RAD51: variants seen among roughly 807,000 people sequenced by gnomAD.
RAD51 encodes DNA repair protein RAD51 homolog 1.
RAD51 carries 14 observed loss-of-function variants against 41.5 expected under a neutral mutation model. The observed-to-expected ratio is 0.34, with a 90% confidence interval of 0.22 to 0.53. The LOEUF (loss-of-function observed/expected upper bound fraction) is 0.53, where lower values mean the gene tolerates loss of function less well. Ranked by LOEUF, RAD51 falls within the 20% of genes least tolerant of loss-of-function variation. The pLI is 0.95. For synonymous variants in RAD51, 136 were observed against 148.6 expected (o/e 0.92, Z 0.62); for missense variants, 234 against 422.0 (o/e 0.55, Z 3.90).
chr15:40,714,534 AC>A (rs1364481743), intron 5 of RAD51, among the ~76,000 whole-genome samples: 1 of 152,246 alleles, frequency 6.6e-6, no homozygotes, highest in Non-Finnish European at 1.5e-5. Context: ...TCAACAATAA[AC>A]TAAAGCAAAA....
chr15:40,724,529 C>G (rs183977092), intron 6 of RAD51, among the ~76,000 whole-genome samples: 1 of 151,838 alleles, frequency 6.6e-6, no homozygotes, highest in African/African-American at 2.4e-5. Flanking sequence ...TTTTTAGAGA[C>G]GGGTCTCACT....
intron 4 of RAD51, among the ~76,000 whole-genome samples, chr15:40,708,485 C>T (rs1290284724): frequency 6.6e-6 from 1 of 151,910 alleles, no homozygotes. Flanking sequence ...GCCTCGGCCC[C>T]CTAAAGTGCT....
chr15:40,702,131 C>T (rs552789400), intron 3 of RAD51, among the ~76,000 whole-genome samples: 5 of 152,106 alleles, frequency 3.3e-5, no homozygotes, highest in African/African-American at 1.2e-4. Context: ...TTACTGTTAG[C>T]GTTAGATAAA....
intron 9 of RAD51, 37 bp downstream of exon 9, chr15:40,730,011 T>C: frequency 6.2e-7 from 1 of 1,609,228 alleles, no homozygotes; most frequent in Non-Finnish European, 8.5e-7. Context: ...CTTTTCGGAA[T>C]GTCATATTAA....
chr15:40,699,804 C>G (rs1894870760), intron 2 of RAD51, among the ~76,000 whole-genome samples: 1 of 152,182 alleles, frequency 6.6e-6, no homozygotes, highest in Non-Finnish European at 1.5e-5. Context: ...AGCACCAGAG[C>G]TGAGGCCTTA....
intron 3 of RAD51, among the ~76,000 whole-genome samples, chr15:40,702,166 T>C (rs185784095): frequency 6.6e-6 from 1 of 152,320 alleles, no homozygotes; most frequent in African/African-American, 2.4e-5. Flanking sequence ...CAAATGAATA[T>C]TTGCTGAAGT....
At chr15:40,706,132 T>C in intron 3 of RAD51, 45 bp from the exon 4 acceptor site, 1 of 1,433,862 alleles carries the variant, frequency 7.0e-7, no homozygotes, top group Non-Finnish European at 9.8e-7. Flanking sequence ...ATCACTGTGG[T>C]AAGGAATATT....
chr15:40,722,141 G>C (rs1896306659), intron 6 of RAD51, among the ~76,000 whole-genome samples: 1 of 152,184 alleles, frequency 6.6e-6, no homozygotes, highest in African/African-American at 2.4e-5. Flanking sequence ...GCCAGGCGTG[G>C]TGGCTTATGC....
intron 7 of RAD51, among the ~76,000 whole-genome samples, chr15:40,729,099 G>A (rs551349341): frequency 6.6e-6 from 1 of 152,090 alleles, no homozygotes; most frequent in Non-Finnish European, 1.5e-5. Flanking sequence ...CAGGCCGGGC[G>A]CGGTGGCTCA....
rs891453962 is a variant in RAD51 at position 40,697,931 on chromosome 15, A to G, written c.-2-826A>G. ...AATCAGCATATCCATCAGTTCACTT[A>G]AACACTTGTCATTTCTCTTTGTGAT... On this transcript the variant is annotated intron_variant, in intron 1 of 9. Coordinates refer to ENST00000267868, the MANE Select transcript of RAD51 (RefSeq NM_002875.5). Among the ~76,000 whole-genome samples the G allele has an allele frequency of 2.0e-5, 3 of 152,192 alleles. No individual in the cohort carries two copies. In the South Asian group the frequency reaches 6.2e-4, roughly 32 times the overall value.
chr15:40,715,364 CCAAAAA>C lies in RAD51; in HGVS notation c.436-3439_436-3434del, dbSNP rs1567046682. Among the ~76,000 whole-genome samples the C allele has an allele frequency of 1.7e-4, 7 of 40,356 alleles. No individual in the cohort carries two copies. In the South Asian group the frequency reaches 0.011, roughly 64 times the overall value. The allele number at this position is 40,356 out of a possible 152,430, so 26.5% of individuals were successfully genotyped here. A position where few individuals can be genotyped will look rare whatever the true frequency, so the allele number is the denominator to read the frequency against. Reference sequence around the variant, plus strand: ...AGTAAGATTCTGTCTCAAAAAAAAACCAAAAACCAAAAAACCACAAAACAAAAAAAT... The same window carrying C: ...AGTAAGATTCTGTCTCAAAAAAAAACCCAAAAAACCACAAAACAAAAAAAT... On this transcript the variant is annotated intron_variant, in intron 5 of 9. Transcript: ENST00000267868.
intron 6 of RAD51, among the ~76,000 whole-genome samples, chr15:40,722,522 A>C (rs11070290): frequency 0.27 from 40,676 of 150,270 alleles, 6,446 homozygotes; most frequent in Middle Eastern, 0.36. Context: ...GGGTAGGGAG[A>C]CTGGGGAGTT....
chr15:40,728,890 A>G (rs1390600901), intron 7 of RAD51, 66 bp downstream of exon 7: 1 of 1,296,408 alleles, frequency 7.7e-7, no homozygotes, highest in East Asian at 2.3e-5. Flanking sequence ...TGTAATGGCT[A>G]TTTGGCCAGA....
chr15:40,712,167 A>G (rs1895737567), intron 5 of RAD51, among the ~76,000 whole-genome samples: 1 of 152,318 alleles, frequency 6.6e-6, no homozygotes, highest in South Asian at 2.1e-4. Flanking sequence ...TGGTCAGGAA[A>G]CTAAGATAGT....
rs1473467259 is a variant in RAD51, at chr15:40,730,437, G to A, written c.896+463G>A. 1.4e-4 allele frequency among the ~76,000 whole-genome samples: 21 copies of A among 151,680 alleles called. 1 individual carries two copies. Among genetic ancestry groups the A allele is most frequent in the Admixed American group, 1.3e-3 (20 of 15,196 alleles). ...GAGGATCAGTTGAGCATAGGAATTC[G>A]AGGCTGTATTGAGCTATGATCACAC... On this transcript the variant is annotated intron_variant, in intron 9 of 9. Transcript: ENST00000267868.
intron 3 of RAD51, chr15:40,701,745 T>A (rs1895009171): frequency 3.7e-6 from 1 of 270,330 alleles, no homozygotes; most frequent in Non-Finnish European, 7.4e-6. Context: ...TTATTGCCTT[T>A]ACCCTTGAAG....
At chr15:40,702,677 G>A (rs574891838) in intron 3 of RAD51, among the ~76,000 whole-genome samples, 19 of 151,918 alleles carry the variant, frequency 1.3e-4, no homozygotes, top group Non-Finnish European at 2.9e-5. Context: ...ACCACCACAC[G>A]TGGCTAATTT....
Position 40,729,581 on chromosome 15 carries a change from A to C in RAD51, c.721A>C (p.Arg241=). ...DYSGRGELSA[R]QMHLARFLRM... ...CTCGGGTCGAGGTGAGCTTTCAGCC[A>C]GGCAGATGCACTTGGCCAGGTTTCT... is the stretch of plus-strand genomic sequence containing the variant. The change falls in exon 8 of 10, where the codon AGG becomes CGG. Residue 241 remains arginine, a synonymous_variant. Coordinates refer to ENST00000267868, the MANE Select transcript of RAD51 (RefSeq NM_002875.5). 6.2e-7 allele frequency: 1 copy of C among 1,614,088 alleles called. No individual in the cohort carries two copies. The highest frequency in any genetic ancestry group is 1.3e-5 in the African/African-American group (1 of 75,030).
intron 3 of RAD51, among the ~76,000 whole-genome samples, chr15:40,701,416 A>G (rs896598815): frequency 1.5e-5 from 2 of 129,894 alleles, no homozygotes; most frequent in African/African-American, 6.0e-5. Context: ...GCTCTGTCAC[A>G]CAGGGTGGAG....
Sources: gnomAD v4.1 joint callset for allele counts (sites outside exome capture counted in the v4.1 genomes callset) on GRCh38, gnomAD v4.1.1 for gene constraint, MANE v1.5 for transcripts, NCBI Gene and HGNC (gene_info 2026-07-23, HGNC 2026-07-21) for gene names.